ANXA3: variants seen among roughly 807,000 people sequenced by gnomAD.
The protein encoded by ANXA3 is 35-alpha calcimedin.
ANXA3 carries 46 observed loss-of-function variants against 48.8 expected under a neutral mutation model. The observed-to-expected ratio is 0.94, with a 90% CI of 0.74 to 1.21. The LOEUF (loss-of-function observed/expected upper bound fraction) is 1.21, where lower values mean the gene tolerates loss of function less well. Among genes scored for constraint, ANXA3 ranks in the 50% most tolerant of loss-of-function variants. The pLI is 0.00. For synonymous variants in ANXA3, 128 were observed against 134.7 expected, an observed-to-expected ratio of 0.95 and a Z score of 0.35; for missense variants, 383 against 378.6, an observed-to-expected ratio of 1.01 and a Z score of -0.10.
chr4:78,594,201 G>T (rs926132598), intron 7 of ANXA3, among the ~76,000 whole-genome samples: 5 of 152,054 alleles, frequency 3.3e-5, no homozygotes, highest in Non-Finnish European at 7.4e-5. Flanking sequence ...TGCCTTTAAG[G>T]TTCCTCTATG....
At chr4:78,601,090 T>C (rs551905878) in intron 10 of ANXA3, among the ~76,000 whole-genome samples, 1 of 152,190 alleles carries the variant, frequency 6.6e-6, no homozygotes, top group Non-Finnish European at 1.5e-5. Flanking sequence ...CCTGCGTGCC[T>C]AATGAGTTAT....
At chr4:78,573,559 G>C (rs1232025170) in intron 3 of ANXA3, among the ~76,000 whole-genome samples, 6 of 152,200 alleles carry the variant, frequency 3.9e-5, no homozygotes, top group Non-Finnish European at 5.9e-5. Context: ...ACACCATCTA[G>C]AGAAGAAATT....
chr4:78,598,293 T>C (rs965035754), intron 10 of ANXA3, among the ~76,000 whole-genome samples: 21 of 123,112 alleles, frequency 1.7e-4, no homozygotes, highest in Admixed American at 3.7e-4. Flanking sequence ...TCTTTCTTTC[T>C]TTTTTTTTTT....
At chr4:78,607,113 G>A (rs548104464) in intron 12 of ANXA3, among the ~76,000 whole-genome samples, 74 of 152,182 alleles carry the variant, frequency 4.9e-4, no homozygotes, top group Admixed American at 1.7e-3. Context: ...TTCCCCAGTG[G>A]TCTGGGTAAT....
intron 5 of ANXA3, among the ~76,000 whole-genome samples, chr4:78,585,766 C>T (rs931364704): frequency 4.6e-5 from 7 of 152,180 alleles, no homozygotes; most frequent in Non-Finnish European, 7.3e-5. Context: ...TTGATATAAA[C>T]AGGACTGAGA....
intron 2 of ANXA3, among the ~76,000 whole-genome samples, chr4:78,566,655 A>G (rs1268392418): frequency 7.9e-6 from 1 of 127,336 alleles, no homozygotes; most frequent in Non-Finnish European, 1.6e-5. Flanking sequence ...GAGATTGAAC[A>G]CTTCAAAAGG....
intron 2 of ANXA3, among the ~76,000 whole-genome samples, chr4:78,556,309 A>T (rs1036907534): frequency 2.0e-5 from 3 of 152,230 alleles, no homozygotes; most frequent in Non-Finnish European, 4.4e-5. Flanking sequence ...AATTGACATT[A>T]AAAAAGTCCC....
At chr4:78,552,327 T>G (rs1213160833) in intron 1 of ANXA3, 1 of 152,246 alleles carries the variant, frequency 6.6e-6, no homozygotes, top group East Asian at 1.9e-4. Context: ...CTCTGTGGAC[T>G]TGGAATCGCA....
At chr4:78,602,937 C>G (rs1288895784) in intron 11 of ANXA3, 1 of 152,466 alleles carries the variant, frequency 6.6e-6, no homozygotes, top group Non-Finnish European at 1.5e-5. Context: ...TCTCACATCA[C>G]AGTCTTTGCA....
In ANXA3 at chr4:78,604,367, C is replaced by T. The variant is rs975711727; in HGVS notation, c.880C>T (p.His294Tyr). 6.2e-7 allele frequency: 1 copy of T among 1,612,904 alleles called. No homozygotes were observed. The highest frequency in any genetic ancestry group is 1.3e-5 in the African/African-American group (1 of 74,874). ...LLDIRTEFKK[H>Y]YGYSLYSAIK... ...GGACATTCGAACAGAGTTCAAGAAG[C>T]ATTATGGCTATTCCCTATATTCAGC... Residue 294 changes from histidine to tyrosine, a missense_variant, in exon 12 of 13, where the codon CAT (histidine) becomes TAT (tyrosine). Coordinates refer to ENST00000264908, the MANE Select transcript of ANXA3 (RefSeq NM_005139.3).
At chr4:78,563,758 G>A (rs1439687139) in intron 2 of ANXA3, among the ~76,000 whole-genome samples, 2 of 152,188 alleles carry the variant, frequency 1.3e-5, no homozygotes, top group Non-Finnish European at 2.9e-5. Flanking sequence ...CATTTAAGAA[G>A]ATGTGGATTC....
At chr4:78,573,113 A>G (rs184969337) in intron 2 of ANXA3, 67 bp from the exon 3 acceptor site, 1 of 1,003,148 alleles carries the variant, frequency 1.0e-6, no homozygotes, top group African/African-American at 1.6e-5. Flanking sequence ...GCATGAAGGA[A>G]TATGCATATG....
At chr4:78,583,603 T>A (rs1216334947) in intron 5 of ANXA3, among the ~76,000 whole-genome samples, 5 of 148,240 alleles carry the variant, frequency 3.4e-5, no homozygotes, top group South Asian at 4.3e-4. Flanking sequence ...CAGCCTGGGA[T>A]GCTGTCTCAG....
intron 7 of ANXA3, among the ~76,000 whole-genome samples, chr4:78,595,076 A>G (rs1288576145): frequency 4.6e-5 from 7 of 152,240 alleles, no homozygotes. Flanking sequence ...GTTCAAGGTT[A>G]TAGTGAGCTA....
intron 9 of ANXA3, among the ~76,000 whole-genome samples, chr4:78,596,171 A>G (rs1011118256): frequency 1.3e-5 from 2 of 152,194 alleles, no homozygotes; most frequent in East Asian, 3.9e-4. Flanking sequence ...CTCTAGGGTG[A>G]GAGTAGAAGG....
chr4:78,583,576 A>T (rs1274481793), intron 5 of ANXA3, among the ~76,000 whole-genome samples: 1 of 151,682 alleles, frequency 6.6e-6, no homozygotes, highest in African/African-American at 2.4e-5. Context: ...ATGAGCCATG[A>T]CCGTGCCACT....
chr4:78,600,485 T>C (rs1691663244), intron 10 of ANXA3, among the ~76,000 whole-genome samples: 1 of 152,250 alleles, frequency 6.6e-6, no homozygotes. Context: ...TTTATCAAGC[T>C]ATTATGGCTT....
chr4:78,558,051 A>C (rs537473066), intron 2 of ANXA3, among the ~76,000 whole-genome samples: 1 of 152,358 alleles, frequency 6.6e-6, no homozygotes, highest in South Asian at 2.1e-4. Context: ...TTAAAAACAC[A>C]TGTTGTGTGA....
chr4:78,576,696 A>G (rs945598407), intron 3 of ANXA3, among the ~76,000 whole-genome samples: 1 of 152,116 alleles, frequency 6.6e-6, no homozygotes, highest in Non-Finnish European at 1.5e-5. Flanking sequence ...TTCTTCATGA[A>G]TTTGCACTTT....
Sources: allele counts gnomAD v4.1 joint callset (sites outside exome capture counted in the v4.1 genomes callset), GRCh38; gene constraint gnomAD v4.1.1; transcripts MANE v1.5; gene names NCBI Gene and HGNC (gene_info 2026-07-23, HGNC 2026-07-21).